PODNL1: variants seen among roughly 807,000 people sequenced by gnomAD.
The protein encoded by PODNL1 is podocan like 1.
A neutral mutation model predicts 45.1 loss-of-function variants in PODNL1; 50 were observed. That is an observed-to-expected ratio of 1.11 (90% CI 0.88 to 1.40). The LOEUF is 1.40. PODNL1 is among the 40% of genes most tolerant of loss of function. The pLI, the probability that PODNL1 is intolerant of heterozygous loss-of-function variation, is 0.00. For missense variants in PODNL1, 788 were observed against 793.3 expected (o/e 0.99, Z 0.08); for synonymous variants, 406 against 372.5 (o/e 1.09, Z -1.04).
At chr19:13,949,213 G>T (rs1972923594) in intron 1 of PODNL1, 1 of 151,982 alleles carries the variant, frequency 6.6e-6, no homozygotes, top group African/African-American at 2.4e-5. Context: ...GCCCGCCTTG[G>T]CCTCCCCAAG....
At chr19:13,950,489 C>T (rs1227110480) in intron 1 of PODNL1, among the ~76,000 whole-genome samples, 1 of 152,136 alleles carries the variant, frequency 6.6e-6, no homozygotes, top group Non-Finnish European at 1.5e-5. Flanking sequence ...ATTTTGAGAA[C>T]CTTCTTCAAT....
chr19:13,938,534 G>A (rs1395681827), upstream of PODNL1: 10 of 1,050,408 alleles, frequency 9.5e-6, no homozygotes, highest in Non-Finnish European at 1.2e-5. Context: ...GTCCTGTCTG[G>A]TATTTGGGAC....
chr19:13,952,508 T>A, intron 1 of PODNL1: 2 of 1,242,070 alleles, frequency 1.6e-6, no homozygotes, highest in Non-Finnish European at 2.0e-6. Context: ...AGGGAGGGGG[T>A]GAAAATGGCG....
At position 13,937,497 on chromosome 19, in the gene PODNL1, C is replaced by G. The variant is rs984423439; in HGVS notation, c.225+288G>C. 2.0e-5 allele frequency among the ~76,000 whole-genome samples: 3 copies of G among 150,782 alleles called. No individual in the cohort carries two copies. In the Admixed American group the frequency reaches 2.0e-4, roughly 10 times the overall value. On this transcript the variant is annotated intron_variant, in intron 2 of 9. Transcript: ENST00000588872. ...CACAACATCCCCATAACCCCAAACT[C>G]CCCATCACACTAACTCCAAACAACA...
chr19:13,942,991 ACTCT>A (rs1238368708), upstream of PODNL1, among the ~76,000 whole-genome samples: 1 of 147,182 alleles, frequency 6.8e-6, no homozygotes, highest in African/African-American at 2.5e-5. Context: ...ACAGAGCAAG[ACTCT>A]CTCTAAAAAA....
In PODNL1 at chr19:13,937,926, C is replaced by T. The variant is rs929953277; in HGVS notation, c.84G>A (p.Leu28=). The T allele has an allele frequency of 6.4e-6, 10 of 1,554,706 alleles. No homozygotes were observed. Among genetic ancestry groups the T allele is most frequent in the Middle Eastern group, 1.7e-4 (1 of 6,010 alleles). The change falls in exon 2 of 10, where the codon CTG becomes CTA. Residue 28 remains leucine, a synonymous_variant. Transcript: ENST00000588872. ...AGLEDAAFPH[L]GESLQPLPRA... is the part of the protein sequence containing the mutation. Reference sequence around the variant, plus strand: ...GGGGCAGGGGCTGCAAGCTCTCCCCCAGGTGGGGGAAGGCAGCGTCTTCCA... The same window carrying T: ...GGGGCAGGGGCTGCAAGCTCTCCCCTAGGTGGGGGAAGGCAGCGTCTTCCA...
chr19:13,937,294 C>A (rs371916783), intron 2 of PODNL1, among the ~76,000 whole-genome samples: 2 of 8,784 alleles, frequency 2.3e-4, no homozygotes, highest in African/African-American at 6.2e-4. Flanking sequence ...CCCACATGCC[C>A]CAACACCCCC....
rs1458641160 is a variant in PODNL1, at chr19:13,932,055, G to A, written c.1483C>T (p.Leu495=). ...TTGCCCTCGAGGTGCAGCTCCTCTA[G>A]GGCCTCAGGCAGGTCCGGGGGCACA... is the stretch of plus-strand genomic sequence containing the variant. ...SFVPPDLPEA[L]EELHLEGNRI... is the part of the protein sequence containing the mutation. The change falls in exon 9 of 10, where the codon CTA becomes TTA. Residue 495 remains leucine (L), a synonymous_variant. Transcript: ENST00000588872. The A allele has an allele frequency of 8.1e-7, 1 of 1,232,476 alleles. No homozygotes were observed. The allele number at this position is 1,232,476 out of a possible 1,614,324, so 76.3% of individuals were successfully genotyped here.
chr19:13,952,340 G>T (rs1344201632), intron 1 of PODNL1, among the ~76,000 whole-genome samples: 1 of 152,224 alleles, frequency 6.6e-6, no homozygotes, highest in Non-Finnish European at 1.5e-5. Context: ...GGCCGCGGGG[G>T]CTGTTACTGT....
chr19:13,952,692 G>C (rs1381901400), intron 1 of PODNL1: 1 of 1,299,150 alleles, frequency 7.7e-7, no homozygotes, highest in Non-Finnish European at 9.7e-7. Flanking sequence ...GTGGGGAGTA[G>C]GGACGAGGGA....
At chr19:13,935,063 CTTGTGTGTGCATGTGA>C (rs1792235721) in intron 5 of PODNL1, among the ~76,000 whole-genome samples, 6 of 149,288 alleles carry the variant, frequency 4.0e-5, no homozygotes, top group East Asian at 4.0e-4. Context: ...TGTGTGTGTG[CTTGTGTGTGCATGTGA>C]TTGTGTGTGC....
chr19:13,941,689 T>C (rs1972661045), upstream of PODNL1, among the ~76,000 whole-genome samples: 1 of 152,062 alleles, frequency 6.6e-6, no homozygotes, highest in Non-Finnish European at 1.5e-5. Context: ...GGCAGGCACC[T>C]ATAATCCCAG....
upstream of PODNL1, among the ~76,000 whole-genome samples, chr19:13,943,153 A>G (rs1972707480): frequency 6.9e-6 from 1 of 145,218 alleles, no homozygotes; most frequent in South Asian, 2.2e-4. Context: ...AAAATTAGCC[A>G]GGCATGGTGG....
intron 6 of PODNL1, 26 bp downstream of exon 6, chr19:13,934,228 C>A: frequency 6.7e-7 from 1 of 1,490,856 alleles, no homozygotes; most frequent in South Asian, 1.4e-5. Flanking sequence ...GAGTCTGGCC[C>A]GGGGTGGGAC....
intron 1 of PODNL1, among the ~76,000 whole-genome samples, chr19:13,947,171 A>AC (rs1972848384): frequency 4.1e-5 from 3 of 73,082 alleles, no homozygotes; most frequent in African/African-American, 2.9e-4. Flanking sequence ...TCCATCTCAG[A>AC]AAAAAAAAAA....
At chr19:13,943,580 G>A (rs147413562) in intron 1 of PODNL1, among the ~76,000 whole-genome samples, 2,259 of 152,198 alleles carry the variant, frequency 0.015, 24 homozygotes, top group Middle Eastern at 0.034. Context: ...TCCTGCCTCA[G>A]CCTCCCAATT....
Position 13,937,825 on chromosome 19 carries a change from G to C in PODNL1, c.185C>G (p.Pro62Arg), listed in dbSNP as rs768499408. 65 of 1,595,622 alleles carry C rather than the reference G, an allele frequency of 4.1e-5. No individual in the cohort carries two copies. The highest frequency in any genetic ancestry group is 5.1e-5 in the Non-Finnish European group (60 of 1,172,690). Residue 62 changes from proline (P) to arginine (R), a missense_variant, in exon 2 of 10, where the codon CCG (proline) becomes CGG (arginine). Pro to Arg is a moderately radical substitution (Grantham distance 103). Around this residue, in one of 3 missense-constraint regions of PODNL1, gnomAD observed 762 missense variants for 750.9 expected, o/e 1.01. Transcript: ENST00000588872. ...CTGAGCGGCTCTGGTGATGTTGTCC[G>C]GGAACACTCGAAGGTCCAAGCCATC... The part of the protein sequence containing the change: ...DCDGLDLRVF[P>R]DNITRAAQHL...
Position 13,935,786 on chromosome 19 carries a change from C to G in PODNL1, c.429G>C (p.Ala143=), listed in dbSNP as rs367865065. The G allele has an allele frequency of 6.3e-7, 1 of 1,598,330 alleles. No individual in the cohort carries two copies. The highest frequency in any genetic ancestry group is 8.5e-7 in the Non-Finnish European group (1 of 1,175,462). The change falls in exon 5 of 10, where the codon GCG becomes GCC. Residue 143 remains alanine, a synonymous_variant. Transcript: ENST00000588872. The part of the protein sequence containing the change: ...PQFLPRSLRV[A]DLAANQVMEI... Reference sequence around the variant, plus strand: ...CCATCACTTGGTTGGCAGCCAGATCCGCGACACGGAGGGACCGGGGCAGAA... The same window carrying G: ...CCATCACTTGGTTGGCAGCCAGATCGGCGACACGGAGGGACCGGGGCAGAA...
upstream of PODNL1, among the ~76,000 whole-genome samples, chr19:13,942,487 A>T (rs1305041389): frequency 1.3e-5 from 2 of 152,132 alleles, no homozygotes; most frequent in Non-Finnish European, 2.9e-5. Flanking sequence ...GTTCCTGTAA[A>T]TAACCCACTG....
Sources: gnomAD v4.1 joint callset for allele counts (sites outside exome capture counted in the v4.1 genomes callset) on GRCh38, gnomAD v4.1.1 for gene constraint, gnomAD v4.1.1 regional missense constraint, MANE v1.5 for transcripts, NCBI Gene and HGNC (gene_info 2026-07-23, HGNC 2026-07-21) for gene names.